SEC22A: variants seen among roughly 807,000 people sequenced by gnomAD.
The protein encoded by SEC22A is SEC22 homolog A, vesicle trafficking protein.
A neutral mutation model predicts 35.3 loss-of-function variants in SEC22A; 22 were observed. That is an observed-to-expected ratio of 0.62 (90% CI 0.45 to 0.89). The LOEUF (loss-of-function observed/expected upper bound fraction) is 0.89, where lower values mean the gene tolerates loss of function less well. SEC22A is among the 40% of genes least tolerant of loss of function. SEC22A has a pLI of 0.00. For synonymous variants in SEC22A, 119 were observed against 129.5 expected (o/e 0.92, Z 0.55); for missense variants, 354 against 362.5 (o/e 0.98, Z 0.19).
intron 1 of SEC22A, among the ~76,000 whole-genome samples, chr3:123,207,311 G>A (rs2108024938): frequency 6.6e-6 from 1 of 152,074 alleles, no homozygotes. Flanking sequence ...GTAACAACTG[G>A]TTTTCTGTGG....
chr3:123,266,402 TTATAATG>T (rs1938027158), intron 6 of SEC22A, among the ~76,000 whole-genome samples: 1 of 152,292 alleles, frequency 6.6e-6, no homozygotes, highest in Middle Eastern at 3.4e-3. Context: ...ATTTTCTTTT[TTATAATG>T]TATGCACTAA....
intron 5 of SEC22A, among the ~76,000 whole-genome samples, chr3:123,249,594 G>A (rs536053279): frequency 9.9e-5 from 15 of 151,974 alleles, no homozygotes; most frequent in Admixed American, 2.0e-4. Context: ...GCATGGTTTC[G>A]GCTCACTGCA....
chr3:123,220,084 G>A (rs1373339327), intron 2 of SEC22A, among the ~76,000 whole-genome samples: 2 of 152,124 alleles, frequency 1.3e-5, no homozygotes, highest in Non-Finnish European at 1.5e-5. Flanking sequence ...AAAGACATAG[G>A]GTTTCCTTTA....
At chr3:123,241,375 T>C (rs914028220) in intron 4 of SEC22A, among the ~76,000 whole-genome samples, 4 of 152,146 alleles carry the variant, frequency 2.6e-5, no homozygotes, top group Non-Finnish European at 2.9e-5. Flanking sequence ...TAAATTAGGC[T>C]CATTTAGATG....
At chr3:123,245,396 TTAAAAACATAG>T (rs1937557966) in intron 4 of SEC22A, among the ~76,000 whole-genome samples, 1 of 152,148 alleles carries the variant, frequency 6.6e-6, no homozygotes, top group Non-Finnish European at 1.5e-5. Context: ...CATGTCTTTG[TTAAAAACATAG>T]AGAAAGGCCA....
intron 2 of SEC22A, among the ~76,000 whole-genome samples, chr3:123,210,322 G>T (rs569347896): frequency 6.6e-6 from 1 of 152,266 alleles, no homozygotes; most frequent in East Asian, 1.9e-4. Flanking sequence ...GCTATATTTT[G>T]GGATTAATAC....
intron 6 of SEC22A, among the ~76,000 whole-genome samples, chr3:123,268,898 T>A (rs545476490): frequency 4.6e-5 from 7 of 152,284 alleles, no homozygotes; most frequent in Admixed American, 1.3e-4. Flanking sequence ...TTCTTAACAT[T>A]GACTTTTTTA....
intron 2 of SEC22A, among the ~76,000 whole-genome samples, chr3:123,216,568 T>C (rs1056337889): frequency 1.3e-5 from 2 of 152,216 alleles, no homozygotes; most frequent in African/African-American, 4.8e-5. Context: ...GGATGATTTA[T>C]TCATGATGTG....
intron 4 of SEC22A, among the ~76,000 whole-genome samples, chr3:123,238,319 C>T (rs2108067671): frequency 6.6e-6 from 1 of 152,262 alleles, no homozygotes; most frequent in South Asian, 2.1e-4. Flanking sequence ...CTGCCTCAGC[C>T]TCCCGAGTAG....
intron 1 of SEC22A, chr3:123,208,292 T>C (rs528538592): frequency 6.6e-6 from 1 of 152,344 alleles, no homozygotes; most frequent in African/African-American, 2.4e-5. Flanking sequence ...GATATTTAGA[T>C]TGCTTTCAGT....
chr3:123,255,808 T>G (rs1937716490), intron 5 of SEC22A, among the ~76,000 whole-genome samples: 1 of 152,186 alleles, frequency 6.6e-6, no homozygotes, highest in Admixed American at 6.5e-5. Context: ...GTTTTCCTTT[T>G]GCTGCACCAC....
intron 4 of SEC22A, among the ~76,000 whole-genome samples, chr3:123,233,222 A>C (rs1937352287): frequency 6.6e-6 from 1 of 152,180 alleles, no homozygotes; most frequent in African/African-American, 2.4e-5. Context: ...TTATAATAGC[A>C]TATTTTTACT....
rs1006940130 is a variant in SEC22A, at chr3:123,248,072, A to T, written c.657+2058A>T. The stretch of plus-strand genomic sequence containing the variant: ...GGGAAACATCCTCAATTTGATAAAG[A>T]ACATCTATTGAAAGAACGTACAGCT... On this transcript the variant is annotated intron_variant, in intron 5 of 6. Coordinates refer to ENST00000492595, the MANE Select transcript of SEC22A (RefSeq NM_012430.5). Among the ~76,000 whole-genome samples the T allele has an allele frequency of 2.0e-5, 3 of 152,312 alleles. No homozygotes were observed. The East Asian group carries it at 5.8e-4, about 29-fold the overall frequency.
chr3:123,270,725 G>GCTTT (rs1248618446), intron 6 of SEC22A, among the ~76,000 whole-genome samples: 3 of 152,168 alleles, frequency 2.0e-5, no homozygotes, highest in Non-Finnish European at 4.4e-5. Context: ...AAATAAAGCA[G>GCTTT]TAAAGGGTGA....
intron 1 of SEC22A, chr3:123,208,938 G>A: frequency 2.9e-6 from 1 of 347,330 alleles, no homozygotes; most frequent in East Asian, 7.4e-5. Flanking sequence ...GGGATTACAG[G>A]TGTGCACCAC....
intron 4 of SEC22A, among the ~76,000 whole-genome samples, chr3:123,233,418 A>T (rs1442800987): frequency 2.0e-5 from 3 of 152,148 alleles, no homozygotes; most frequent in Non-Finnish European, 4.4e-5. Context: ...GCACAGCAAT[A>T]TCACCTAATG....
rs2108018354 is a variant in SEC22A, at chr3:123,202,004, C to T, written c.-20+18C>T. ...CTCGACAGGTACTCCCCGGCCCCTC[C>T]CAGTCCTCTTCTTCCTTTCTTAGGG... On this transcript the variant is annotated intron_variant, in intron 1 of 6. Coordinates refer to ENST00000492595, the MANE Select transcript of SEC22A (RefSeq NM_012430.5). 6.5e-6 allele frequency: 1 copy of T among 153,036 alleles called. No homozygotes were observed. The highest frequency in any genetic ancestry group is 2.4e-5 in the African/African-American group (1 of 41,584). 9.5% of individuals were successfully genotyped at this position (153,036 alleles called of 1,614,324 possible). A position where few individuals can be genotyped will look rare whatever the true frequency, so the allele number is the denominator to read the frequency against.
intron 4 of SEC22A, among the ~76,000 whole-genome samples, chr3:123,240,601 A>T (rs1937511537): frequency 6.6e-6 from 1 of 152,196 alleles, no homozygotes; most frequent in Non-Finnish European, 1.5e-5. Context: ...ATGAACATTC[A>T]TCCTTTTGTT....
Position 123,231,990 on chromosome 3 carries a change from A to G in SEC22A, c.541+6693A>G, listed in dbSNP as rs114370964. 7.3e-3 allele frequency among the ~76,000 whole-genome samples: 1,115 copies of G among 152,272 alleles called. 10 individuals carry two copies. Among genetic ancestry groups the G allele is most frequent in the Non-Finnish European group, 0.011 (744 of 68,008 alleles). Reference sequence around the variant, plus strand: ...ACGGTGGCTCATGCCTGCAACCCCAACACTTTGGAAGGCTGAGGTGGATGC... The same window carrying G: ...ACGGTGGCTCATGCCTGCAACCCCAGCACTTTGGAAGGCTGAGGTGGATGC... On this transcript the variant is annotated intron_variant, in intron 4 of 6. Coordinates refer to ENST00000492595, the MANE Select transcript of SEC22A (RefSeq NM_012430.5).
Sources: allele counts gnomAD v4.1 joint callset (sites outside exome capture counted in the v4.1 genomes callset), GRCh38; gene constraint gnomAD v4.1.1; transcripts MANE v1.5; gene names NCBI Gene and HGNC (gene_info 2026-07-23, HGNC 2026-07-21).